PAX8: variants seen among roughly 807,000 people sequenced by gnomAD.
PAX8 encodes the protein paired box protein Pax-8.
PAX8 carries 15 observed loss-of-function variants against 52.4 expected under a neutral mutation model. The ratio of observed to expected loss-of-function variants is 0.29; its 90% confidence interval spans 0.19 to 0.44. The LOEUF is 0.44. Ranked by LOEUF, PAX8 falls within the 20% of genes least tolerant of loss-of-function variation. PAX8 has a pLI of 1.00. For synonymous variants in PAX8, 284 were observed against 249.7 expected (o/e 1.14, Z -1.29); for missense variants, 554 against 602.5 (o/e 0.92, Z 0.84).
intron 2 of PAX8, chr2:113,273,939 C>T (rs768852420): frequency 6.6e-6 from 1 of 152,124 alleles, no homozygotes; most frequent in Non-Finnish European, 1.5e-5. Context: ...CAAGATTTTA[C>T]AATAAATGGT....
Position 113,273,811 on chromosome 2 carries a change from G to A in PAX8, c.25+4559C>T, listed in dbSNP as rs184829552. On this transcript the variant is annotated intron_variant, in intron 2 of 11. Coordinates refer to ENST00000429538, the MANE Select transcript of PAX8 (RefSeq NM_003466.4). ...ATATACTCTTTCAATTTCACTAATA[G>A]TGAGGTTGGTATGTGATATTATCTG... 663 of 151,994 alleles carry A rather than the reference G, an allele frequency of 4.4e-3. 5 individuals are homozygous for A. Among genetic ancestry groups the A allele is most frequent in the African/African-American group, 0.015 (611 of 41,404 alleles). The allele number at this position is 151,994 out of a possible 1,614,324, so 9.4% of individuals were successfully genotyped here. A position where few individuals can be genotyped will look rare whatever the true frequency, so the allele number is the denominator to read the frequency against.
At chr2:113,268,539 G>A (rs1693242346) in intron 2 of PAX8, 1 of 152,254 alleles carries the variant, frequency 6.6e-6, no homozygotes, top group African/African-American at 2.4e-5. Flanking sequence ...CTTCTGAGAT[G>A]TGCGAGGCAT....
rs1401113035 is a variant in PAX8, at chr2:113,235,582, T to C, written c.899A>G (p.Asp300Gly). 6.2e-7 allele frequency: 1 copy of C among 1,607,742 alleles called. No homozygotes were observed. The highest frequency in any genetic ancestry group is 2.2e-5 in the East Asian group (1 of 44,692). Reference sequence around the variant, plus strand: ...CTTTATGGCGAAGGGTGAGTGAGGATCTGCCGGAGGGAGGGAGACAACAAG... The same window carrying C: ...CTTTATGGCGAAGGGTGAGTGAGGACCTGCCGGAGGGAGGGAGACAACAAG... ...STHQTYPVVADPHSPFAIKQE... is the reference protein window; with the variant it reads ...STHQTYPVVAGPHSPFAIKQE... Residue 300 changes from aspartate to glycine, a missense_variant and splice_region_variant, in exon 9 of 12, where the codon GAT (aspartate) becomes GGT (glycine). Transcript: ENST00000429538.
rs975888735 is a variant in PAX8 at position 113,237,077 on chromosome 2, G to C, written c.778-356C>G. The C allele has an allele frequency of 1.9e-5, 5 of 263,658 alleles. No homozygotes were observed. The South Asian group carries it at 4.0e-4, about 21-fold the overall frequency. The allele number at this position is 263,658 out of a possible 1,614,324, so 16.3% of individuals were successfully genotyped here. Reference sequence around the variant, plus strand: ...CCAAGGACTGGAGCAGTCTCCAACCGGACTGTTCAGGGTCCTTGCATCTGT... The same window carrying C: ...CCAAGGACTGGAGCAGTCTCCAACCCGACTGTTCAGGGTCCTTGCATCTGT... On this transcript the variant is annotated intron_variant, in intron 7 of 11. Coordinates refer to ENST00000429538, the MANE Select transcript of PAX8 (RefSeq NM_003466.4).
At chr2:113,233,957 G>C (rs1690073866) in intron 9 of PAX8, among the ~76,000 whole-genome samples, 1 of 152,202 alleles carries the variant, frequency 6.6e-6, no homozygotes, top group South Asian at 2.1e-4. Context: ...TCTGTGACAG[G>C]TCTCACACAC....
At position 113,235,387 on chromosome 2, in the gene PAX8, G is replaced by C. The variant is rs748252451; in HGVS notation, c.1087+7C>G. The C allele has an allele frequency of 6.4e-7, 1 of 1,566,224 alleles. No homozygotes were observed. Among genetic ancestry groups the C allele is most frequent in the Non-Finnish European group, 8.7e-7 (1 of 1,155,652 alleles). On this transcript the variant is annotated splice_region_variant and intron_variant, in intron 9 of 11. Transcript: ENST00000429538. ...AGCTGCATGGCCCCGGGACCTCCCTGTCGTACCTGAGAGGAGGGCCTGGCC... is the reference window on the plus strand; with the variant it reads ...AGCTGCATGGCCCCGGGACCTCCCTCTCGTACCTGAGAGGAGGGCCTGGCC...
chr2:113,256,654 G>GTA (rs759128116), intron 2 of PAX8, among the ~76,000 whole-genome samples: 4,978 of 67,220 alleles, frequency 0.074, 103 homozygotes, highest in Non-Finnish European at 0.1. Context: ...GTGTGTGTGT[G>GTA]TATATATATA....
chr2:113,277,601 G>A (rs1693913358), intron 2 of PAX8, among the ~76,000 whole-genome samples: 1 of 152,198 alleles, frequency 6.6e-6, no homozygotes, highest in Non-Finnish European at 1.5e-5. Flanking sequence ...CACTCGCTGC[G>A]CGCCGGGACG....
intron 7 of PAX8, 133 bp downstream of exon 7, chr2:113,241,418 G>T: frequency 1.2e-6 from 1 of 830,894 alleles, no homozygotes; most frequent in Non-Finnish European, 2.0e-6. Flanking sequence ...CAGGCTTGGA[G>T]TTGCATAAGG....
At chr2:113,257,193 G>C (rs1317231104) in intron 2 of PAX8, among the ~76,000 whole-genome samples, 3 of 152,128 alleles carry the variant, frequency 2.0e-5, no homozygotes, top group Admixed American at 2.0e-4. Flanking sequence ...AAAATCCTTA[G>C]TAATGATAAA....
chr2:113,257,233 T>C lies in PAX8; in HGVS notation c.26-10314A>G, dbSNP rs1012561265. 1.2e-4 allele frequency among the ~76,000 whole-genome samples: 18 copies of C among 152,112 alleles called. 1 individual carries two copies. Among genetic ancestry groups the C allele is most frequent in the Admixed American group, 7.9e-4 (12 of 15,254 alleles). ...CAGGGTTCTGGGATGCCTGGAGGGG[T>C]AGGAAATAATCCCAGCTCCTTCTTT... is the stretch of plus-strand genomic sequence containing the variant. On this transcript the variant is annotated intron_variant, in intron 2 of 11. Coordinates refer to ENST00000429538, the MANE Select transcript of PAX8 (RefSeq NM_003466.4).
chr2:113,234,228 C>G (rs953869347), intron 9 of PAX8, among the ~76,000 whole-genome samples: 1 of 152,266 alleles, frequency 6.6e-6, no homozygotes, highest in African/African-American at 2.4e-5. Flanking sequence ...TGGGTCTCTG[C>G]TTCCCACTTT....
At chr2:113,221,419 G>C (rs1689267830) in intron 10 of PAX8, among the ~76,000 whole-genome samples, 1 of 152,152 alleles carries the variant, frequency 6.6e-6, no homozygotes, top group Admixed American at 6.5e-5. Context: ...GACCTGTCTA[G>C]AGTCAAATCC....
chr2:113,224,126 T>C (rs544363899), intron 10 of PAX8, among the ~76,000 whole-genome samples: 1 of 151,666 alleles, frequency 6.6e-6, no homozygotes, highest in Non-Finnish European at 1.5e-5. Context: ...GAAAGACAGA[T>C]TAAAGGATAG....
intron 2 of PAX8, chr2:113,267,151 TAGAG>T (rs1693134210): frequency 6.6e-6 from 1 of 152,186 alleles, no homozygotes; most frequent in East Asian, 1.9e-4. Context: ...GACAGAATGT[TAGAG>T]AGAATATCCT....
rs1558724357 is a variant in PAX8 at position 113,246,858 on chromosome 2, C to T, written c.87G>A (p.Val29=). ...CCAGGTCTACGATGCGCTGGCGGAC[C>T]ACTTCCGGCAGAGGTCTGCCATTCA... ...AFVNGRPLPE[V]VRQRIVDLAH... is the part of the protein sequence containing the mutation. The change falls in exon 3 of 12, where the codon GTG becomes GTA. Residue 29 remains valine, a synonymous_variant. Transcript: ENST00000429538. The T allele has an allele frequency of 6.2e-7, 1 of 1,614,244 alleles. No individual in the cohort carries two copies.
chr2:113,219,946 C>T, intron 11 of PAX8, 146 bp downstream of exon 11: 4 of 620,212 alleles, frequency 6.4e-6, no homozygotes, highest in Non-Finnish European at 1.2e-5. Flanking sequence ...CTCCTGCTGC[C>T]TTCTTCCATC....
At chr2:113,231,129 T>C (rs1211155508) in intron 9 of PAX8, among the ~76,000 whole-genome samples, 1 of 152,236 alleles carries the variant, frequency 6.6e-6, no homozygotes, top group Non-Finnish European at 1.5e-5. Flanking sequence ...GTAACCCCTT[T>C]TCAATTCCTT....
chr2:113,252,829 C>T (rs192775920), intron 2 of PAX8, among the ~76,000 whole-genome samples: 10 of 152,234 alleles, frequency 6.6e-5, no homozygotes, highest in Admixed American at 2.0e-4. Flanking sequence ...TTCCCCTAAA[C>T]GTACAAATGG....
Sources: allele counts gnomAD v4.1 joint callset (sites outside exome capture counted in the v4.1 genomes callset), GRCh38; gene constraint gnomAD v4.1.1; transcripts MANE v1.5; gene names NCBI Gene and HGNC (gene_info 2026-07-23, HGNC 2026-07-21).